The following LRIG1 variants were observed in gnomAD, a reference collection of about 807,000 sequenced individuals.
LRIG1 encodes leucine rich repeats and immunoglobulin like domains 1, also known as leucine-rich repeats and immunoglobulin-like domains protein 1.
A neutral mutation model predicts 99.2 loss-of-function variants in LRIG1; 48 were observed. The observed-to-expected ratio is 0.48, with a 90% CI of 0.38 to 0.62. The LOEUF (loss-of-function observed/expected upper bound fraction) is 0.62. Among genes scored for constraint, LRIG1 ranks in the 20% least tolerant of loss-of-function variants. The probability of loss-of-function intolerance (pLI) is 0.00; values close to 1 mark genes in which losing one functional copy is unlikely to be tolerated. For missense variants in LRIG1, 1,646 were observed against 1,434.4 expected, an observed-to-expected ratio of 1.15 and a Z score of -2.38; for synonymous variants, 772 against 596.1, an observed-to-expected ratio of 1.29 and a Z score of -4.30.
At chr3:66,421,522 G>A (rs1400696818) in intron 3 of LRIG1, among the ~76,000 whole-genome samples, 4 of 152,224 alleles carry the variant, frequency 2.6e-5, no homozygotes, top group East Asian at 1.9e-4. Context: ...GATGCAAGAC[G>A]TGGGTTCCCA....
chr3:66,475,303 G>A (rs1330875814), intron 1 of LRIG1, among the ~76,000 whole-genome samples: 2 of 152,212 alleles, frequency 1.3e-5, no homozygotes, highest in African/African-American at 2.4e-5. Context: ...GTAGAAGGGT[G>A]GAGAATGACT....
chr3:66,411,792 G>A (rs545217290), intron 6 of LRIG1, among the ~76,000 whole-genome samples: 4 of 152,256 alleles, frequency 2.6e-5, no homozygotes, highest in African/African-American at 4.8e-5. Flanking sequence ...GGAGGAAATC[G>A]CAAGTGGATA....
intron 3 of LRIG1, 152 bp downstream of exon 3, chr3:66,451,407 C>T (rs1000843750): frequency 4.9e-6 from 3 of 612,262 alleles, no homozygotes; most frequent in Admixed American, 5.7e-5. Context: ...GCAAGCAAAG[C>T]GTTTGTCATG....
chr3:66,481,890 C>T (rs1465481723), intron 1 of LRIG1, among the ~76,000 whole-genome samples: 1 of 152,274 alleles, frequency 6.6e-6, no homozygotes, highest in Non-Finnish European at 1.5e-5. Context: ...ACATTCTAAA[C>T]ATGGGCTCGC....
At chr3:66,468,556 C>T (rs184920784) in intron 1 of LRIG1, among the ~76,000 whole-genome samples, 1 of 152,294 alleles carries the variant, frequency 6.6e-6, no homozygotes, top group East Asian at 1.9e-4. Context: ...GTTTGCTAAA[C>T]TGCATTAATA....
intron 3 of LRIG1, among the ~76,000 whole-genome samples, chr3:66,425,978 A>C (rs562707438): frequency 6.6e-6 from 1 of 152,344 alleles, no homozygotes; most frequent in South Asian, 2.1e-4. Flanking sequence ...ACTTTTTCTC[A>C]TAAGTGATTG....
intron 3 of LRIG1, among the ~76,000 whole-genome samples, chr3:66,447,983 A>G (rs893226210): frequency 9.2e-5 from 14 of 152,236 alleles, no homozygotes; most frequent in Non-Finnish European, 1.0e-4. Flanking sequence ...GCACTATTTT[A>G]TGAAATTAGC....
intron 3 of LRIG1, among the ~76,000 whole-genome samples, chr3:66,427,433 T>C (rs773701776): frequency 1.3e-5 from 2 of 152,208 alleles, no homozygotes; most frequent in Non-Finnish European, 2.9e-5. Context: ...TAAGGAGGTG[T>C]ACTTTATGAC....
chr3:66,414,969 T>A lies in LRIG1; in HGVS notation c.598A>T (p.Ile200Phe). 6.2e-7 allele frequency: 1 copy of A among 1,612,540 alleles called. No homozygotes were observed. The highest frequency in any genetic ancestry group is 8.5e-7 in the Non-Finnish European group (1 of 1,179,192). ...AATGCTCTTACAGGAAGCTGGGTGA[T>A]CCTGTTTTTGCTCAGGCGAAGAGTT... ...LLTLRLSKNR[I>F]TQLPVRAFKL... The change falls in exon 5 of 19, where the codon ATC becomes TTC. Residue 200 changes from isoleucine to phenylalanine, a missense_variant. Transcript: ENST00000273261.
At chr3:66,381,017 G>C in intron 17 of LRIG1, 156 bp from the exon 18 acceptor site, 1 of 713,704 alleles carries the variant, frequency 1.4e-6, no homozygotes, top group Non-Finnish European at 2.3e-6. Flanking sequence ...TGTCCCCAGA[G>C]AAAGGACTGG....
At chr3:66,410,728 G>C (rs1559784723) in intron 6 of LRIG1, among the ~76,000 whole-genome samples, 1 of 152,210 alleles carries the variant, frequency 6.6e-6, no homozygotes, top group South Asian at 2.1e-4. Context: ...GGAGTTCCAG[G>C]CAAGGGCAAA....
At chr3:66,478,153 T>G (rs1700765549) in intron 1 of LRIG1, among the ~76,000 whole-genome samples, 1 of 152,250 alleles carries the variant, frequency 6.6e-6, no homozygotes, top group Non-Finnish European at 1.5e-5. Context: ...AAAAGGACTT[T>G]CTGCACGTTG....
In LRIG1 at chr3:66,379,848, C is replaced by T. The variant is rs568677164; in HGVS notation, c.*415G>A. On this transcript the variant is annotated 3_prime_UTR_variant, in exon 19 of 19. Transcript: ENST00000273261. ...ACCCCGCACCAAAAACTCCTGTGAA[C>T]AAATGTGGTTGTAGCCTCTATAAAT... The T allele has an allele frequency of 1.7e-4, 28 of 167,496 alleles. No homozygotes were observed. Among genetic ancestry groups the T allele is most frequent in the South Asian group, 1.3e-3 (8 of 6,282 alleles). 10.4% of individuals were successfully genotyped at this position (167,496 alleles called of 1,614,324 possible).
intron 1 of LRIG1, among the ~76,000 whole-genome samples, chr3:66,490,229 G>A (rs1360536835): frequency 1.1e-4 from 17 of 152,178 alleles, no homozygotes; most frequent in Admixed American, 1.0e-3. Flanking sequence ...AATTTGGGAT[G>A]AGGCAGATCT....
Position 66,380,069 on chromosome 3 carries a change from T to C in LRIG1, c.*194A>G. The C allele has an allele frequency of 3.9e-6, 2 of 514,686 alleles. No individual in the cohort carries two copies. Among genetic ancestry groups the C allele is most frequent in the Non-Finnish European group, 6.9e-6 (2 of 291,382 alleles). The allele number at this position is 514,686 out of a possible 1,614,324, so 31.9% of individuals were successfully genotyped here. On this transcript the variant is annotated 3_prime_UTR_variant, in exon 19 of 19. Transcript: ENST00000273261. Reference sequence around the variant, plus strand: ...TTATGTACAATGATATCAAATACTTTTTTTGCCTTTTGTACACAAATCCCC... The same window carrying C: ...TTATGTACAATGATATCAAATACTTCTTTTGCCTTTTGTACACAAATCCCC...
At chr3:66,413,078 G>A in intron 5 of LRIG1, 64 bp from the exon 6 acceptor site, 1 of 1,584,462 alleles carries the variant, frequency 6.3e-7, no homozygotes, top group Non-Finnish European at 8.7e-7. Context: ...CAACCATTCT[G>A]AAGCAGTCCT....
chr3:66,417,367 T>A, intron 3 of LRIG1, 101 bp from the exon 4 acceptor site: 1 of 1,175,828 alleles, frequency 8.5e-7, no homozygotes, highest in Non-Finnish European at 1.2e-6. Flanking sequence ...ATAACTACAA[T>A]GCAGTGACGC....
chr3:66,447,832 G>A (rs1256116870), intron 3 of LRIG1, among the ~76,000 whole-genome samples: 1 of 152,204 alleles, frequency 6.6e-6, no homozygotes, highest in Non-Finnish European at 1.5e-5. Context: ...TGTCATTGAT[G>A]CATCAGACAA....
chr3:66,492,104 C>A (rs902547125), intron 1 of LRIG1, among the ~76,000 whole-genome samples: 1 of 152,142 alleles, frequency 6.6e-6, no homozygotes, highest in African/African-American at 2.4e-5. Flanking sequence ...TCTTGTTATC[C>A]AGCCCAAAGT....
Sources: gnomAD v4.1 joint callset for allele counts (sites outside exome capture counted in the v4.1 genomes callset) on GRCh38, gnomAD v4.1.1 for gene constraint, MANE v1.5 for transcripts, NCBI Gene and HGNC (gene_info 2026-07-23, HGNC 2026-07-21) for gene names.